Variants in WDR17 observed in about 807,000 individuals in gnomAD.
The protein encoded by WDR17 is WD repeat-containing protein 17.
A neutral mutation model predicts 161.7 loss-of-function variants in WDR17; 143 were observed. That is an observed-to-expected ratio of 0.88 (90% confidence interval 0.77 to 1.02). The LOEUF (loss-of-function observed/expected upper bound fraction) is 1.02. Among genes scored for constraint, WDR17 ranks in the 50% least tolerant of loss-of-function variants. The probability of loss-of-function intolerance (pLI) is 0.00; values close to 1 mark genes in which losing one functional copy is unlikely to be tolerated. For missense variants in WDR17, 1,469 were observed against 1,520.9 expected, an observed-to-expected ratio of 0.97 and a Z score of 0.57; for synonymous variants, 517 against 515.6, an observed-to-expected ratio of 1.00 and a Z score of -0.04.
At chr4:176,160,680 C>A (rs2126848009) in intron 19 of WDR17, among the ~76,000 whole-genome samples, 1 of 152,302 alleles carries the variant, frequency 6.6e-6, no homozygotes, top group African/African-American at 2.4e-5. Flanking sequence ...TTTACACATG[C>A]TGCTGAATGT....
intron 11 of WDR17, among the ~76,000 whole-genome samples, chr4:176,142,646 T>C (rs921621346): frequency 6.6e-6 from 1 of 152,200 alleles, no homozygotes; most frequent in South Asian, 2.1e-4. Context: ...TCCTAGAATA[T>C]TGTGTTTCAA....
rs1353502608 is a variant in WDR17, at chr4:176,148,295, T to C, written c.1857T>C (p.Thr619=). ...TIKVWDTREG[T]CVDTVYDHGA... ...AAGTATGGGACACTCGAGAAGGAAC[T>C]TGTGTGGATACTGTGTATGATCACG... The change falls in exon 13 of 29, where the codon ACT becomes ACC. Residue 619 remains threonine, a synonymous_variant. Coordinates refer to ENST00000508596, the MANE Select transcript of WDR17 (RefSeq NM_181265.4). 1.2e-6 allele frequency: 2 copies of C among 1,614,010 alleles called. No individual in the cohort carries two copies. Among genetic ancestry groups the C allele is most frequent in the East Asian group, 4.5e-5 (2 of 44,842 alleles).
At chr4:176,137,889 T>C (rs919542939) in intron 9 of WDR17, among the ~76,000 whole-genome samples, 48 of 151,764 alleles carry the variant, frequency 3.2e-4, no homozygotes, top group African/African-American at 1.1e-3. Context: ...AAGACTAAAC[T>C]CAGAGCAAGT....
intron 20 of WDR17, among the ~76,000 whole-genome samples, chr4:176,161,448 C>G (rs2126850392): frequency 6.6e-6 from 1 of 152,088 alleles, no homozygotes. Context: ...AGAAGAAATC[C>G]TGATAGTTAT....
At chr4:176,135,384 T>G (rs956167047) in intron 8 of WDR17, 108 bp downstream of exon 8, 1 of 1,300,298 alleles carries the variant, frequency 7.7e-7, no homozygotes, top group Non-Finnish European at 1.1e-6. Context: ...TCTAAATGAA[T>G]GTAGAGCAAA....
At position 176,181,713 on chromosome 4, in the gene WDR17, G is replaced by T. The variant is rs1752180186; in HGVS notation, c.*2134G>T. ...TTTTTATTTTAAAATAAATAAATAA[G>T]CCTATCTTTTTGTGCTTACATACTT... On this transcript the variant is annotated 3_prime_UTR_variant, in exon 29 of 29. Coordinates refer to ENST00000508596, the MANE Select transcript of WDR17 (RefSeq NM_181265.4). 2 of 152,662 alleles carry T rather than the reference G, an allele frequency of 1.3e-5. No homozygotes were observed. Among genetic ancestry groups the T allele is most frequent in the Admixed American group, 1.3e-4 (2 of 15,242 alleles). The allele number at this position is 152,662 out of a possible 1,614,324, so 9.5% of individuals were successfully genotyped here.
intron 23 of WDR17, among the ~76,000 whole-genome samples, chr4:176,169,028 G>C (rs1750309094): frequency 6.6e-6 from 1 of 152,134 alleles, no homozygotes; most frequent in Admixed American, 6.5e-5. Flanking sequence ...AAAAGCATGG[G>C]ATAATTATAC....
chr4:176,089,162 G>C (rs528602872), intron 1 of WDR17, among the ~76,000 whole-genome samples: 2 of 152,186 alleles, frequency 1.3e-5, no homozygotes, highest in African/African-American at 4.8e-5. Context: ...AGCAGAAATT[G>C]TAATCTAATG....
intron 11 of WDR17, among the ~76,000 whole-genome samples, chr4:176,143,067 C>T (rs1010921703): frequency 5.9e-4 from 89 of 152,036 alleles, no homozygotes; most frequent in Middle Eastern, 3.2e-3. Context: ...TTAGTAGAGA[C>T]GGGGTTTCTC....
intron 17 of WDR17, among the ~76,000 whole-genome samples, chr4:176,155,567 C>T (rs1188759399): frequency 7.6e-4 from 57 of 74,850 alleles, no homozygotes; most frequent in East Asian, 1.1e-3. Flanking sequence ...TTTTTGGAGA[C>T]GAAGTCTTGC....
chr4:176,169,889 TA>T (rs1489435812), intron 23 of WDR17, among the ~76,000 whole-genome samples: 4 of 152,336 alleles, frequency 2.6e-5, no homozygotes, highest in African/African-American at 9.6e-5. Flanking sequence ...GTCTGTGAAT[TA>T]TTTTTTTTAA....
chr4:176,081,684 C>T (rs1734762365), intron 1 of WDR17, among the ~76,000 whole-genome samples: 1 of 152,080 alleles, frequency 6.6e-6, no homozygotes, highest in Admixed American at 6.6e-5. Flanking sequence ...TTGGCCTTTC[C>T]TTCGGGGATG....
At chr4:176,086,746 T>A (rs1181922329) in intron 1 of WDR17, among the ~76,000 whole-genome samples, 4 of 151,922 alleles carry the variant, frequency 2.6e-5, no homozygotes, top group Admixed American at 2.6e-4. Context: ...TTATTTTGAT[T>A]TGTAATTTTA....
intron 17 of WDR17, among the ~76,000 whole-genome samples, chr4:176,154,406 G>A (rs776763056): frequency 3.9e-5 from 6 of 152,082 alleles, no homozygotes; most frequent in African/African-American, 9.7e-5. Context: ...ACTTGAATCC[G>A]GCAGGCGGAG....
At chr4:176,106,263 T>G (rs1738699585) in intron 1 of WDR17, among the ~76,000 whole-genome samples, 1 of 151,706 alleles carries the variant, frequency 6.6e-6, no homozygotes, top group African/African-American at 2.4e-5. Flanking sequence ...ATATAATATT[T>G]TATCCTGCAA....
At chr4:176,153,080 C>A (rs565591404) in intron 17 of WDR17, among the ~76,000 whole-genome samples, 1 of 152,246 alleles carries the variant, frequency 6.6e-6, no homozygotes, top group Non-Finnish European at 1.5e-5. Context: ...CATGTCTCAC[C>A]TCAGACCTAC....
intron 9 of WDR17, 21 bp from the exon 10 acceptor site, chr4:176,139,871 G>A (rs999896817): frequency 6.4e-7 from 1 of 1,574,368 alleles, no homozygotes; most frequent in Non-Finnish European, 8.7e-7. Context: ...CTTATTGATA[G>A]GTATTTTACA....
chr4:176,171,903 C>A (rs1750786631), intron 23 of WDR17, among the ~76,000 whole-genome samples: 1 of 151,956 alleles, frequency 6.6e-6, no homozygotes, highest in Admixed American at 6.5e-5. Context: ...TTTTTTGTGT[C>A]TCTGAAATAA....
In WDR17 at chr4:176,119,604, A is replaced by G. The variant is rs192675360; in HGVS notation, c.308-263A>G. Among the ~76,000 whole-genome samples, 526 of 152,304 alleles carry G rather than the reference A, an allele frequency of 3.5e-3. 1 individual carries two copies. The highest frequency in any genetic ancestry group is 0.027 in the Middle Eastern group (8 of 294). Reference sequence around the variant, plus strand: ...ATAGTCTACTAAAATAAAAAAGTCTATAAATGTATTTGACTATATGAAGCA... The same window carrying G: ...ATAGTCTACTAAAATAAAAAAGTCTGTAAATGTATTTGACTATATGAAGCA... On this transcript the variant is annotated intron_variant, in intron 3 of 28. Coordinates refer to ENST00000508596, the MANE Select transcript of WDR17 (RefSeq NM_181265.4).
Sources: gnomAD v4.1 joint callset for allele counts (sites outside exome capture counted in the v4.1 genomes callset) on GRCh38, gnomAD v4.1.1 for gene constraint, MANE v1.5 for transcripts, NCBI Gene and HGNC (gene_info 2026-07-23, HGNC 2026-07-21) for gene names.